Variants in MACC1 observed in about 807,000 individuals in gnomAD.
The protein encoded by MACC1 is metastasis-associated in colon cancer protein 1.
In MACC1, 79 loss-of-function variants were observed where a neutral mutation model predicts 70.7. That is an observed-to-expected ratio of 1.12 (90% CI 0.93 to 1.35). MACC1 has a LOEUF of 1.35. Among genes scored for constraint, MACC1 ranks in the 40% most tolerant of loss-of-function variants. The probability of loss-of-function intolerance (pLI) is 0.00; values close to 1 mark genes in which losing one functional copy is unlikely to be tolerated. For synonymous variants in MACC1, 361 were observed against 347.2 expected, an observed-to-expected ratio of 1.04 and a Z score of -0.44; for missense variants, 1,106 against 978.1, an observed-to-expected ratio of 1.13 and a Z score of -1.74.
chr7:20,143,705 G>A (rs1781843571), intron 6 of MACC1, among the ~76,000 whole-genome samples: 1 of 152,072 alleles, frequency 6.6e-6, no homozygotes, highest in African/African-American at 2.4e-5. Context: ...TTGGCAATTT[G>A]TACTAACAAC....
In MACC1 at chr7:20,140,680, T is replaced by C. The variant is rs909663215; in HGVS notation, c.*266A>G. The C allele has an allele frequency of 1.2e-5, 4 of 344,410 alleles. No homozygotes were observed. The highest frequency in any genetic ancestry group is 1.6e-5 in the Non-Finnish European group (3 of 193,170). 21.3% of individuals were successfully genotyped at this position (344,410 alleles called of 1,614,324 possible). On this transcript the variant is annotated 3_prime_UTR_variant, in exon 7 of 7. Transcript: ENST00000400331. ...CTTGTATTTGAAACATACACAAAAATACATATTTGAGGATAAAACCCATCT... is the reference window on the plus strand; with the variant it reads ...CTTGTATTTGAAACATACACAAAAACACATATTTGAGGATAAAACCCATCT...
intron 1 of MACC1, among the ~76,000 whole-genome samples, chr7:20,175,704 C>A (rs1234355308): frequency 6.6e-6 from 1 of 152,064 alleles, no homozygotes; most frequent in Non-Finnish European, 1.5e-5. Context: ...AGTGTTTAAT[C>A]TTGAAAGCAG....
In MACC1 at chr7:20,216,300, T is replaced by C. The variant is rs867291499; in HGVS notation, c.-218+999A>G. Among the ~76,000 whole-genome samples, 3 of 152,286 alleles carry C rather than the reference T, an allele frequency of 2.0e-5. 1 individual carries two copies. The Middle Eastern group carries it at 0.01, about 518-fold the overall frequency. The stretch of plus-strand genomic sequence containing the variant: ...ATTGGAATTTTCACTACATGCTTTT[T>C]GATCTTAAAAATAAATTTTTTAAAA... On this transcript the variant is annotated intron_variant, in intron 1 of 6. Coordinates refer to ENST00000400331, the MANE Select transcript of MACC1 (RefSeq NM_182762.4).
In MACC1 at chr7:20,136,826, T is replaced by A. The variant is rs1014206371; in HGVS notation, c.*4120A>T. ...AAGGATTATTATTAATTCTTAAAGATTAAGATTATTATTAATTATTAATTG... is the reference window on the plus strand; with the variant it reads ...AAGGATTATTATTAATTCTTAAAGAATAAGATTATTATTAATTATTAATTG... On this transcript the variant is annotated 3_prime_UTR_variant, in exon 7 of 7. Coordinates refer to ENST00000400331, the MANE Select transcript of MACC1 (RefSeq NM_182762.4). The A allele has an allele frequency of 1.3e-5, 2 of 150,202 alleles. No individual in the cohort carries two copies. The highest frequency in any genetic ancestry group is 2.4e-5 in the African/African-American group (1 of 41,172). 9.3% of individuals were successfully genotyped at this position (150,202 alleles called of 1,614,324 possible).
chr7:20,215,100 T>G (rs1236269100), intron 1 of MACC1, among the ~76,000 whole-genome samples: 1 of 151,898 alleles, frequency 6.6e-6, no homozygotes, highest in Admixed American at 6.6e-5. Context: ...ATTTATTTAT[T>G]TATTTATTTA....
chr7:20,163,788 C>T (rs187453372), intron 3 of MACC1, among the ~76,000 whole-genome samples: 6 of 152,230 alleles, frequency 3.9e-5, no homozygotes, highest in Middle Eastern at 3.4e-3. Flanking sequence ...AGCCACTGAC[C>T]GGAAGTTACT....
intron 1 of MACC1, among the ~76,000 whole-genome samples, chr7:20,210,934 C>A: frequency 6.6e-6 from 1 of 152,300 alleles, no homozygotes; most frequent in Non-Finnish European, 1.5e-5. Flanking sequence ...AGTTTAGTCA[C>A]CTGTAAGAAT....
rs1781737781 is a variant in MACC1, at chr7:20,137,805, A to G, written c.*3141T>C. On this transcript the variant is annotated 3_prime_UTR_variant, in exon 7 of 7. Coordinates refer to ENST00000400331, the MANE Select transcript of MACC1 (RefSeq NM_182762.4). ...AAGTTCAGAAAAGTAGAAACTATTT[A>G]TTTAAAAATTAGAATATATTTATAC... The G allele has an allele frequency of 6.6e-6, 1 of 152,222 alleles. No individual in the cohort carries two copies. Among genetic ancestry groups the G allele is most frequent in the Non-Finnish European group, 1.5e-5 (1 of 68,022 alleles). 9.4% of individuals were successfully genotyped at this position (152,222 alleles called of 1,614,324 possible).
intron 1 of MACC1, among the ~76,000 whole-genome samples, chr7:20,207,884 A>G (rs1782935673): frequency 1.3e-5 from 2 of 152,156 alleles, no homozygotes; most frequent in African/African-American, 2.4e-5. Context: ...CCCAAATCTC[A>G]TCTTGAATTG....
At chr7:20,171,247 TTTA>T (rs1264851130) in intron 1 of MACC1, among the ~76,000 whole-genome samples, 1 of 119,248 alleles carries the variant, frequency 8.4e-6, no homozygotes, top group Non-Finnish European at 1.6e-5. Context: ...GGAAGATTAT[TTTA>T]TTTTCTTTTT....
intron 1 of MACC1, among the ~76,000 whole-genome samples, chr7:20,191,382 C>A (rs113733601): frequency 6.6e-6 from 1 of 152,086 alleles, no homozygotes; most frequent in Admixed American, 6.5e-5. Context: ...TGGATGGGTG[C>A]CAAGCAATAG....
chr7:20,154,289 C>T lies in MACC1; in HGVS notation c.2250G>A (p.Trp750Ter). The T allele has an allele frequency of 1.2e-6, 2 of 1,613,932 alleles. No homozygotes were observed. Among genetic ancestry groups the T allele is most frequent in the East Asian group, 2.2e-5 (1 of 44,876 alleles). Residue 750 changes from tryptophan (W) to a stop codon, truncating the protein, a stop_gained, in exon 6 of 7, where the codon TGG becomes TGA. Transcript: ENST00000400331. LOFTEE classifies it high-confidence loss of function. Reference sequence around the variant, plus strand: ...GTACTAACTTTTCAGCTAGTTCCCTCCAGCCTTTTCCAAGCTTGACAGCTG... The same window carrying T: ...GTACTAACTTTTCAGCTAGTTCCCTTCAGCCTTTTCCAAGCTTGACAGCTG... ...LTSAVKLGKG[W>*]RELAEKLVRL...
chr7:20,172,229 G>A (rs1782319108), intron 1 of MACC1, among the ~76,000 whole-genome samples: 2 of 152,256 alleles, frequency 1.3e-5, no homozygotes, highest in Non-Finnish European at 1.5e-5. Flanking sequence ...ATGAACATAC[G>A]GGTTACAAGC....
At chr7:20,185,477 T>C (rs1373807207) in intron 1 of MACC1, among the ~76,000 whole-genome samples, 1 of 7,886 alleles carries the variant, frequency 1.3e-4, no homozygotes, top group African/African-American at 5.1e-4. Context: ...TTACAAAGTT[T>C]ATTTAAAAAA....
chr7:20,156,288 A>G (rs1011558492), intron 5 of MACC1, among the ~76,000 whole-genome samples: 4 of 152,224 alleles, frequency 2.6e-5, no homozygotes, highest in Non-Finnish European at 4.4e-5. Flanking sequence ...GAGCCTCTTC[A>G]TACAGAAATC....
chr7:20,147,435 CT>C (rs1781909415), intron 6 of MACC1: 1 of 152,210 alleles, frequency 6.6e-6, no homozygotes, highest in Admixed American at 6.5e-5. Flanking sequence ...AGGAACAACA[CT>C]TCATTTTCAG....
chr7:20,154,425 G>C, intron 5 of MACC1, 44 bp from the exon 6 acceptor site: 1 of 1,556,864 alleles, frequency 6.4e-7, no homozygotes. Context: ...AACTAACTTG[G>C]GCTTTTCTCT....
intron 1 of MACC1, among the ~76,000 whole-genome samples, chr7:20,195,894 G>A (rs1782744427): frequency 6.6e-6 from 1 of 152,168 alleles, no homozygotes; most frequent in Non-Finnish European, 1.5e-5. Flanking sequence ...CTTAGGTCCT[G>A]TTTATAATTA....
intron 1 of MACC1, among the ~76,000 whole-genome samples, chr7:20,210,913 G>A (rs1331139459): frequency 6.6e-6 from 1 of 152,092 alleles, no homozygotes; most frequent in Admixed American, 6.6e-5. Flanking sequence ...CAAGACTCCA[G>A]GGCTTAGTAA....
Sources: allele counts gnomAD v4.1 joint callset (sites outside exome capture counted in the v4.1 genomes callset), GRCh38; gene constraint gnomAD v4.1.1; transcripts MANE v1.5; gene names NCBI Gene and HGNC (gene_info 2026-07-23, HGNC 2026-07-21).